Variants in SV2C observed in about 807,000 individuals in gnomAD.
SV2C encodes the protein solute carrier family 22 member B3.
In SV2C, 49 loss-of-function variants were observed where a neutral mutation model predicts 79.7. The observed-to-expected ratio is 0.61, with a 90% CI of 0.49 to 0.78. The LOEUF (loss-of-function observed/expected upper bound fraction) is 0.78. Ranked by LOEUF, SV2C falls within the 30% of genes least tolerant of loss-of-function variation. The probability of loss-of-function intolerance (pLI) is 0.00; values close to 1 mark genes in which losing one functional copy is unlikely to be tolerated. For missense variants in SV2C, 833 were observed against 912.9 expected (o/e 0.91, Z 1.13); for synonymous variants, 334 against 333.2 (o/e 1.00, Z -0.03).
At chr5:76,350,526 G>A (rs180797875) in intron 12 of SV2C, among the ~76,000 whole-genome samples, 34 of 152,306 alleles carry the variant, frequency 2.2e-4, no homozygotes, top group Non-Finnish European at 4.0e-4. Context: ...ATAACACCAC[G>A]GAGGCCTAGA....
chr5:75,963,181 G>T, the SV2C span, among the ~76,000 whole-genome samples: 2 of 152,048 alleles, frequency 1.3e-5, no homozygotes, highest in Non-Finnish European at 2.9e-5. Context: ...CATCCTACTC[G>T]TTCCACTGAT....
At chr5:76,339,557 A>G (rs1306932809) in intron 12 of SV2C, among the ~76,000 whole-genome samples, 3 of 152,078 alleles carry the variant, frequency 2.0e-5, no homozygotes, top group Non-Finnish European at 4.4e-5. Context: ...TACTAAAAAT[A>G]CAAAAAATTA....
the SV2C span, among the ~76,000 whole-genome samples, chr5:75,931,173 C>T: frequency 5.3e-5 from 8 of 152,234 alleles, no homozygotes; most frequent in African/African-American, 1.9e-4. Flanking sequence ...CTTCCTTGTC[C>T]TGTCTTATGA....
At chr5:76,341,433 A>C (rs1218160160) in intron 12 of SV2C, among the ~76,000 whole-genome samples, 2 of 152,176 alleles carry the variant, frequency 1.3e-5, no homozygotes, top group African/African-American at 4.8e-5. Context: ...GCTAGGATCC[A>C]CTTAGCACTT....
the SV2C span, among the ~76,000 whole-genome samples, chr5:75,935,308 G>C: frequency 1.3e-5 from 2 of 152,102 alleles, no homozygotes. Flanking sequence ...AGTATTTGGG[G>C]TTGGTTAGTG....
chr5:76,302,472 A>G lies in SV2C; in HGVS notation c.2000+927A>G, dbSNP rs544561522. 2.6e-5 allele frequency among the ~76,000 whole-genome samples: 4 copies of G among 151,862 alleles called. No homozygotes were observed. In the South Asian group the frequency reaches 8.3e-4, roughly 32 times the overall value. ...AAACCCCGTCTCTACTAAAAATACA[A>G]AAAAAAACCTAGCCAGGCATGGCGG... On this transcript the variant is annotated intron_variant, in intron 12 of 12. Transcript: ENST00000502798.
chr5:75,872,761 A>G, the SV2C span, among the ~76,000 whole-genome samples: 2 of 152,052 alleles, frequency 1.3e-5, no homozygotes, highest in African/African-American at 4.8e-5. Flanking sequence ...AATACGAAAA[A>G]TATGGGGGAA....
chr5:76,259,890 A>G (rs866038232), intron 4 of SV2C, among the ~76,000 whole-genome samples: 59 of 152,184 alleles, frequency 3.9e-4, no homozygotes, highest in Non-Finnish European at 2.5e-4. Context: ...TGTTGTAAAT[A>G]GTCCTGCAAT....
chr5:75,948,692 G>A, the SV2C span, among the ~76,000 whole-genome samples: 1 of 151,990 alleles, frequency 6.6e-6, no homozygotes, highest in Non-Finnish European at 1.5e-5. Context: ...CTGGAGAAGG[G>A]ATGTTTAAGG....
chr5:75,990,563 G>GT, the SV2C span, among the ~76,000 whole-genome samples: 3 of 152,054 alleles, frequency 2.0e-5, no homozygotes, highest in Middle Eastern at 0.01. Flanking sequence ...GGTTTCTGCA[G>GT]TTTATACCTG....
chr5:76,253,659 C>T (rs1398644310), intron 4 of SV2C, among the ~76,000 whole-genome samples: 1 of 145,742 alleles, frequency 6.9e-6, no homozygotes, highest in African/African-American at 2.5e-5. Flanking sequence ...CACATCCAGC[C>T]GTTTCTGGGA....
At chr5:76,193,794 G>T (rs1389360650) in intron 2 of SV2C, among the ~76,000 whole-genome samples, 4 of 152,162 alleles carry the variant, frequency 2.6e-5, no homozygotes, top group Non-Finnish European at 5.9e-5. Flanking sequence ...GTTAGATCAA[G>T]TTGAATAATC....
the SV2C span, among the ~76,000 whole-genome samples, chr5:76,071,576 A>G: frequency 1.3e-5 from 2 of 152,230 alleles, no homozygotes; most frequent in South Asian, 2.1e-4. Context: ...GAATGTTTCC[A>G]TCATTAACAC....
At chr5:76,012,996 T>G in the SV2C span, among the ~76,000 whole-genome samples, 2 of 152,220 alleles carry the variant, frequency 1.3e-5, no homozygotes, top group Non-Finnish European at 2.9e-5. Context: ...CATGCTGTTT[T>G]GGTTACTGTA....
the SV2C span, among the ~76,000 whole-genome samples, chr5:75,866,649 G>A: frequency 9.9e-5 from 15 of 152,246 alleles, no homozygotes; most frequent in East Asian, 5.8e-4. Flanking sequence ...CCTCAAATTC[G>A]TATCTCCAGA....
the SV2C span, among the ~76,000 whole-genome samples, chr5:76,041,085 G>C: frequency 6.6e-6 from 1 of 152,164 alleles, no homozygotes; most frequent in South Asian, 2.1e-4. Context: ...GCCTCTTCAA[G>C]CTTGTACCAG....
chr5:75,969,760 T>C, the SV2C span, among the ~76,000 whole-genome samples: 1 of 152,038 alleles, frequency 6.6e-6, no homozygotes, highest in Non-Finnish European at 1.5e-5. Flanking sequence ...ATTAGACAGA[T>C]CAACGAGACA....
intron 12 of SV2C, among the ~76,000 whole-genome samples, chr5:76,307,437 G>A (rs74412563): frequency 0.019 from 2,881 of 151,868 alleles, 42 homozygotes; most frequent in Non-Finnish European, 0.025. Context: ...TGGGTTGGCC[G>A]GAATCACCTG....
Position 76,326,087 on chromosome 5 carries a change from A to G in SV2C, c.*540A>G, listed in dbSNP as rs1748988664. On this transcript the variant is annotated 3_prime_UTR_variant, in exon 13 of 13. Transcript: ENST00000502798. The stretch of plus-strand genomic sequence containing the variant: ...TTCAAAGAAAACCATGTGGCACCAA[A>G]CAGGGCTGGGTGGGGCTCTTTGGGG... 2 of 152,350 alleles carry G rather than the reference A, an allele frequency of 1.3e-5. No individual in the cohort carries two copies. The highest frequency in any genetic ancestry group is 4.8e-5 in the African/African-American group (2 of 41,400). 9.4% of individuals were successfully genotyped at this position (152,350 alleles called of 1,614,324 possible).
Sources: allele counts gnomAD v4.1 joint callset (sites outside exome capture counted in the v4.1 genomes callset), GRCh38; gene constraint gnomAD v4.1.1; transcripts MANE v1.5; gene names NCBI Gene and HGNC (gene_info 2026-07-23, HGNC 2026-07-21).